The following SPRY3 variants were observed in gnomAD, a reference collection of about 807,000 sequenced individuals.
The protein encoded by SPRY3 is sprouty RTK signaling antagonist 3.
Under a neutral mutation model 20.2 loss-of-function variants are expected in SPRY3, and 15 were observed. The ratio of observed to expected loss-of-function variants is 0.74; its 90% CI spans 0.50 to 1.14. The LOEUF (loss-of-function observed/expected upper bound fraction) is 1.14. Ranked by LOEUF, SPRY3 falls within the 50% of genes most tolerant of loss-of-function variation. The probability of loss-of-function intolerance (pLI) is 0.00; values close to 1 mark genes in which losing one functional copy is unlikely to be tolerated. For synonymous variants in SPRY3, 143 were observed against 136.5 expected (o/e 1.05, Z -0.33); for missense variants, 364 against 363.9 (o/e 1.00, Z 0.00).
chrX:155,719,030 GT>G (rs1377429969), intron 2 of SPRY3, among the ~76,000 whole-genome samples: 6 of 152,056 alleles, frequency 3.9e-5, no homozygotes, highest in African/African-American at 1.4e-4. Flanking sequence ...ACAGTACCTG[GT>G]TTAGCTGAAA....
chrX:155,738,406 C>A (rs1199123065), intron 2 of SPRY3, among the ~76,000 whole-genome samples: 3 of 151,942 alleles, frequency 2.0e-5, no homozygotes, highest in African/African-American at 7.3e-5. Context: ...AGACATTGAA[C>A]TAAAGAAAAC....
At chrX:155,747,558 A>C (rs913357075) in intron 2 of SPRY3, among the ~76,000 whole-genome samples, 1 of 152,008 alleles carries the variant, frequency 6.6e-6, no homozygotes, top group South Asian at 2.1e-4. Context: ...TACCAGCCCT[A>C]TGCAGTATCC....
At chrX:155,662,682 CAAAA>C (rs34216827) in intron 2 of SPRY3, among the ~76,000 whole-genome samples, 1 of 58,224 alleles carries the variant, frequency 1.7e-5, no homozygotes, top group Non-Finnish European at 3.0e-5. Flanking sequence ...TGTAGTTTGG[CAAAA>C]AAAAAAAAAA....
chrX:155,738,207 G>GA (rs992046350), intron 2 of SPRY3, among the ~76,000 whole-genome samples: 6 of 151,270 alleles, frequency 4.0e-5, no homozygotes, highest in East Asian at 3.9e-4. Context: ...TTATCAAAAT[G>GA]AAAAAAATGC....
At chrX:155,761,676 A>G (rs1356703947) in intron 2 of SPRY3, among the ~76,000 whole-genome samples, 3 of 151,410 alleles carry the variant, frequency 2.0e-5, no homozygotes, top group Non-Finnish European at 4.4e-5. Flanking sequence ...ACAACAGTGC[A>G]TAAGTGTTCC....
At chrX:155,723,194 T>G (rs1313157605) in intron 2 of SPRY3, among the ~76,000 whole-genome samples, 12 of 152,200 alleles carry the variant, frequency 7.9e-5, no homozygotes, top group Non-Finnish European at 1.5e-4. Context: ...GATGGACATT[T>G]GGGTTGGTTC....
intron 2 of SPRY3, among the ~76,000 whole-genome samples, chrX:155,668,630 C>T (rs1255304216): frequency 1.8e-5 from 2 of 110,649 alleles, no homozygotes; most frequent in Non-Finnish European, 1.9e-5. Flanking sequence ...TACATTTCTC[C>T]TAACTCCTTT....
chrX:155,767,113 C>G (rs1047945376), intron 2 of SPRY3, among the ~76,000 whole-genome samples: 11 of 152,124 alleles, frequency 7.2e-5, no homozygotes, highest in Admixed American at 3.3e-4. Flanking sequence ...ACCCAGGGAC[C>G]GGATACAGAG....
chrX:155,695,860 C>A (rs2068116811), intron 2 of SPRY3, among the ~76,000 whole-genome samples: 1 of 109,841 alleles, frequency 9.1e-6, no homozygotes, highest in Admixed American at 9.8e-5. Context: ...AGTGTAATTT[C>A]TTTCATTAAT....
At chrX:155,713,990 T>G (rs1490343111) in intron 2 of SPRY3, among the ~76,000 whole-genome samples, 3 of 152,206 alleles carry the variant, frequency 2.0e-5, no homozygotes, top group African/African-American at 7.2e-5. Context: ...GAGACTCTGA[T>G]GCATTCTTCA....
At chrX:155,758,020 A>G (rs771387572) in intron 2 of SPRY3, among the ~76,000 whole-genome samples, 3 of 152,304 alleles carry the variant, frequency 2.0e-5, no homozygotes, top group Non-Finnish European at 2.9e-5. Context: ...ATGTGTTTAT[A>G]TAACTGTATT....
intron 2 of SPRY3, among the ~76,000 whole-genome samples, chrX:155,695,036 C>A (rs2068114479): frequency 9.0e-6 from 1 of 111,512 alleles, no homozygotes; most frequent in African/African-American, 3.3e-5. Flanking sequence ...TTAACAATTT[C>A]ACAAGATAAT....
intron 2 of SPRY3, among the ~76,000 whole-genome samples, chrX:155,689,093 C>T (rs1372378916): frequency 1.1e-5 from 1 of 87,963 alleles, no homozygotes; most frequent in Non-Finnish European, 2.1e-5. Context: ...TTTTGCTGTG[C>T]AGAAGCTCTT....
intron 2 of SPRY3, among the ~76,000 whole-genome samples, chrX:155,749,910 G>C (rs367728294): frequency 2.6e-5 from 4 of 151,734 alleles, no homozygotes; most frequent in African/African-American, 9.7e-5. Context: ...TCAGAGGAGG[G>C]ATCGAGTCTA....
intron 2 of SPRY3, among the ~76,000 whole-genome samples, chrX:155,699,248 C>T (rs148015245): frequency 3.7e-4 from 41 of 111,169 alleles, no homozygotes; most frequent in Non-Finnish European, 7.0e-4. Flanking sequence ...ACAGTTGGCC[C>T]GTATCTAAGG....
chrX:155,751,528 A>G (rs1371736008), intron 2 of SPRY3, among the ~76,000 whole-genome samples: 3 of 151,908 alleles, frequency 2.0e-5, no homozygotes, highest in Admixed American at 6.6e-5. Context: ...CTGGTAGAAC[A>G]TAAGTCATAT....
At chrX:155,619,546 G>T (rs183879352) in intron 1 of SPRY3, among the ~76,000 whole-genome samples, 1 of 110,761 alleles carries the variant, frequency 9.0e-6, no homozygotes, top group East Asian at 2.8e-4. Context: ...ACTCAACTTA[G>T]AATTAATCAT....
chrX:155,698,366 G>C (rs756215816), intron 2 of SPRY3, among the ~76,000 whole-genome samples: 80 of 110,977 alleles, frequency 7.2e-4, no homozygotes, highest in Non-Finnish European at 1.4e-3. Flanking sequence ...ATGGATGTTG[G>C]GTCAGCTAAT....
chrX:155,677,694 G>A (rs990649660), intron 2 of SPRY3, among the ~76,000 whole-genome samples: 4 of 111,414 alleles, frequency 3.6e-5, no homozygotes, highest in African/African-American at 1.3e-4. Flanking sequence ...CCCAAACTCA[G>A]GCAAAGACAG....
Sources: gnomAD v4.1 joint callset for allele counts (sites outside exome capture counted in the v4.1 genomes callset) on GRCh38, gnomAD v4.1.1 for gene constraint, MANE v1.5 for transcripts, NCBI Gene and HGNC (gene_info 2026-07-23, HGNC 2026-07-21) for gene names.